DLG2: variants seen among roughly 807,000 people sequenced by gnomAD.
The protein encoded by DLG2 is disks large homolog 2.
In DLG2, 45 loss-of-function variants were observed where a neutral mutation model predicts 132.5. The observed-to-expected ratio is 0.34, with a 90% CI of 0.27 to 0.44. The LOEUF (loss-of-function observed/expected upper bound fraction) is 0.44. DLG2 is among the 20% of genes least tolerant of loss of function. DLG2 has a pLI of 1.00. For synonymous variants in DLG2, 424 were observed against 419.6 expected (o/e 1.01, Z -0.13); for missense variants, 1,045 against 1,196.9 (o/e 0.87, Z 1.87).
intron 6 of DLG2, among the ~76,000 whole-genome samples, chr11:84,703,887 CGTGTGTGTGTGTGT>C (rs370287195): frequency 8.7e-6 from 1 of 114,746 alleles, no homozygotes; most frequent in African/African-American, 3.6e-5. Context: ...TATATATACA[CGTGTGTGTGTGTGT>C]GTGTGTGTGT....
At chr11:84,873,739 T>C (rs1225869333) in intron 6 of DLG2, among the ~76,000 whole-genome samples, 1 of 152,230 alleles carries the variant, frequency 6.6e-6, no homozygotes, top group Non-Finnish European at 1.5e-5. Context: ...GTGTTGAGGT[T>C]CATTGAGCAA....
chr11:83,932,147 A>C (rs2080370941), intron 14 of DLG2, among the ~76,000 whole-genome samples: 2 of 140,122 alleles, frequency 1.4e-5, no homozygotes, highest in South Asian at 2.5e-4. Context: ...TGCAATACTG[A>C]CAAGGTTCTC....
chr11:83,523,213 C>A (rs1161104813), intron 21 of DLG2, among the ~76,000 whole-genome samples: 1 of 152,068 alleles, frequency 6.6e-6, no homozygotes, highest in East Asian at 1.9e-4. Context: ...TTTAATAATT[C>A]CCAAAGTAGA....
chr11:85,134,295 C>T (rs2075980787), intron 5 of DLG2, among the ~76,000 whole-genome samples: 2 of 149,738 alleles, frequency 1.3e-5, no homozygotes, highest in Admixed American at 6.6e-5. Flanking sequence ...CTTGGGAGGC[C>T]GAGGCGGGCG....
At chr11:83,549,404 T>C (rs1227374069) in intron 19 of DLG2, among the ~76,000 whole-genome samples, 1 of 152,164 alleles carries the variant, frequency 6.6e-6, no homozygotes, top group Non-Finnish European at 1.5e-5. Context: ...ATGAGGTTTG[T>C]CATTCCTACA....
chr11:84,905,360 C>T (rs1357463147), intron 6 of DLG2, among the ~76,000 whole-genome samples: 2 of 152,144 alleles, frequency 1.3e-5, no homozygotes, highest in Non-Finnish European at 2.9e-5. Context: ...AATGAAGTAT[C>T]CAATGCTTTC....
At chr11:83,863,619 G>A (rs1030232127) in intron 16 of DLG2, among the ~76,000 whole-genome samples, 2 of 152,020 alleles carry the variant, frequency 1.3e-5, no homozygotes, top group African/African-American at 4.8e-5. Context: ...TCTACTGTTT[G>A]TTAAGTAGTA....
At chr11:85,006,515 G>C (rs1292817669) in intron 6 of DLG2, among the ~76,000 whole-genome samples, 1 of 152,182 alleles carries the variant, frequency 6.6e-6, no homozygotes, top group Non-Finnish European at 1.5e-5. Context: ...TATTTGTGTA[G>C]AGGTGTTTCT....
At chr11:84,688,244 C>A (rs1223572936) in intron 6 of DLG2, among the ~76,000 whole-genome samples, 3 of 152,252 alleles carry the variant, frequency 2.0e-5, no homozygotes, top group East Asian at 3.9e-4. Flanking sequence ...CAGAAAATAG[C>A]TATTGGTAGT....
intron 3 of DLG2, among the ~76,000 whole-genome samples, chr11:85,379,204 A>T (rs1187151724): frequency 1.3e-5 from 2 of 152,162 alleles, no homozygotes; most frequent in African/African-American, 4.8e-5. Context: ...TTAGACTTTT[A>T]CACATAAATG....
chr11:83,946,473 T>C (rs1409154957), intron 14 of DLG2, among the ~76,000 whole-genome samples: 6 of 152,214 alleles, frequency 3.9e-5, no homozygotes, highest in African/African-American at 1.4e-4. Flanking sequence ...CTCTGTTTTC[T>C]AAAGAGATTT....
intron 6 of DLG2, among the ~76,000 whole-genome samples, chr11:84,612,901 GTCCACCTCACAAAAAAGATTT>G (rs1190391732): frequency 1.3e-5 from 2 of 152,066 alleles, no homozygotes; most frequent in Non-Finnish European, 2.9e-5. Flanking sequence ...TTGAGTCCAG[GTCCACCTCACAAAAAAGATTT>G]TGTTCATTCC....
At chr11:83,500,916 CTATTAAT>C (rs1279872196) in intron 21 of DLG2, among the ~76,000 whole-genome samples, 1 of 152,014 alleles carries the variant, frequency 6.6e-6, no homozygotes, top group East Asian at 1.9e-4. Flanking sequence ...TTTGTGACTC[CTATTAAT>C]TATTTCATAA....
At chr11:84,760,174 C>T (rs548918098) in intron 6 of DLG2, among the ~76,000 whole-genome samples, 72 of 152,260 alleles carry the variant, frequency 4.7e-4, no homozygotes, top group African/African-American at 1.5e-3. Context: ...CAACACAGTC[C>T]ACTCATGCTC....
intron 18 of DLG2, among the ~76,000 whole-genome samples, chr11:83,635,766 C>T (rs559956116): frequency 6.6e-6 from 1 of 152,280 alleles, no homozygotes; most frequent in East Asian, 1.9e-4. Context: ...ATAGTTTAGA[C>T]TGTATTTAAC....
intron 6 of DLG2, among the ~76,000 whole-genome samples, chr11:84,774,583 A>T (rs1486803353): frequency 5.3e-5 from 8 of 152,194 alleles, no homozygotes; most frequent in Non-Finnish European, 1.0e-4. Flanking sequence ...ACAGTATGGC[A>T]CTGGTACAAA....
intron 8 of DLG2, among the ~76,000 whole-genome samples, chr11:84,230,479 T>G (rs2097076592): frequency 6.6e-6 from 1 of 152,240 alleles, no homozygotes; most frequent in African/African-American, 2.4e-5. Flanking sequence ...AATGAATATG[T>G]ACCTTAGTTG....
At chr11:83,653,705 C>T (rs969298244) in intron 18 of DLG2, among the ~76,000 whole-genome samples, 6 of 152,060 alleles carry the variant, frequency 3.9e-5, no homozygotes, top group African/African-American at 1.4e-4. Flanking sequence ...AAATAAATCA[C>T]GTTAAGAGGT....
intron 6 of DLG2, chr11:84,546,687 C>G: frequency 5.7e-6 from 3 of 526,040 alleles, no homozygotes; most frequent in Non-Finnish European, 1.1e-5. Context: ...GGCCCTGGAG[C>G]AATTGGTGTT....
Sources: gnomAD v4.1 joint callset for allele counts (sites outside exome capture counted in the v4.1 genomes callset) on GRCh38, gnomAD v4.1.1 for gene constraint, MANE v1.5 for transcripts, NCBI Gene and HGNC (gene_info 2026-07-23, HGNC 2026-07-21) for gene names.